ITPRID1: variants seen among roughly 807,000 people sequenced by gnomAD.
The protein encoded by ITPRID1 is ITPR interacting domain containing 1.
Under a neutral mutation model 95.4 loss-of-function variants are expected in ITPRID1, and 96 were observed. That is an observed-to-expected ratio of 1.01 (90% CI 0.85 to 1.19). The LOEUF is 1.19. ITPRID1 is among the 50% of genes most tolerant of loss of function. The pLI is 0.00. For synonymous variants in ITPRID1, 510 were observed against 453.6 expected (o/e 1.12, Z -1.58); for missense variants, 1,339 against 1,252.9 (o/e 1.07, Z -1.04).
Position 31,615,806 on chromosome 7 carries a change from T to G in ITPRID1, c.1229-26370T>G, listed in dbSNP as rs149129239. Among the ~76,000 whole-genome samples, 871 of 150,722 alleles carry G rather than the reference T, an allele frequency of 5.8e-3. 13 individuals carry two copies. The highest frequency in any genetic ancestry group is 0.02 in the African/African-American group (824 of 40,836). ...TCTCGCTCTGTTGCCCAGGCTGGAG[T>G]GCAGTGGTGCAATCTTGGCTCACTG... On this transcript the variant is annotated intron_variant, in intron 10 of 14. Transcript: ENST00000615280.
intron 4 of ITPRID1, 129 bp downstream of exon 4, chr7:31,554,652 T>C (rs1784391221): frequency 8.7e-7 from 1 of 1,154,576 alleles, no homozygotes; most frequent in African/African-American, 1.6e-5. Flanking sequence ...ACGTGAAGTA[T>C]TATTCTATTA....
At chr7:31,547,763 C>A (rs1015617101) in intron 1 of ITPRID1, among the ~76,000 whole-genome samples, 1 of 152,014 alleles carries the variant, frequency 6.6e-6, no homozygotes, top group African/African-American at 2.4e-5. Flanking sequence ...AGATGAAGCA[C>A]ACTAGAATAA....
chr7:31,595,851 A>C (rs1451432453), intron 10 of ITPRID1, among the ~76,000 whole-genome samples: 5 of 152,072 alleles, frequency 3.3e-5, no homozygotes, highest in Non-Finnish European at 5.9e-5. Context: ...GTTTTCAAAA[A>C]ACTGAAAATG....
intron 5 of ITPRID1, among the ~76,000 whole-genome samples, chr7:31,566,259 C>T (rs1784796293): frequency 6.6e-6 from 1 of 152,228 alleles, no homozygotes; most frequent in Non-Finnish European, 1.5e-5. Flanking sequence ...TCATCAATAT[C>T]TGAAAACGGA....
intron 9 of ITPRID1, among the ~76,000 whole-genome samples, chr7:31,580,660 CCAAAATAAAG>C (rs61503758): frequency 0.14 from 21,111 of 151,910 alleles, 1,665 homozygotes; most frequent in African/African-American, 0.2. Flanking sequence ...CACTCAGACA[CCAAAATAAAG>C]CAAACAAAAT....
At chr7:31,571,100 C>A (rs6954552) in intron 6 of ITPRID1, among the ~76,000 whole-genome samples, 119 of 152,228 alleles carry the variant, frequency 7.8e-4, no homozygotes, top group African/African-American at 2.8e-3. Flanking sequence ...GCCATCTCAG[C>A]TCACTGCAAT....
At chr7:31,611,457 TGTC>T (rs1023412750) in intron 10 of ITPRID1, among the ~76,000 whole-genome samples, 5 of 151,912 alleles carry the variant, frequency 3.3e-5, no homozygotes, top group African/African-American at 1.2e-4. Context: ...TCTGAGTTGT[TGTC>T]TAGTGTTTTT....
chr7:31,643,633 A>G lies in ITPRID1; in HGVS notation c.2263A>G (p.Arg755Gly). Residue 755 changes from arginine (R) to glycine (G), a missense_variant, in exon 12 of 15, where the codon AGA becomes GGA. Coordinates refer to ENST00000615280, the MANE Select transcript of ITPRID1 (RefSeq NM_001257967.3). ...ATETRLGTKA[R>G]QLNDASIQTS... Reference sequence around the variant, plus strand: ...AGAAACAAGACTGGGGACAAAAGCAAGACAGTTAAATGATGCTTCCATTCA... The same window carrying G: ...AGAAACAAGACTGGGGACAAAAGCAGGACAGTTAAATGATGCTTCCATTCA... 1 of 1,614,056 alleles carries G rather than the reference A, an allele frequency of 6.2e-7. No homozygotes were observed. The highest frequency in any genetic ancestry group is 8.5e-7 in the Non-Finnish European group (1 of 1,179,898).
intron 5 of ITPRID1, among the ~76,000 whole-genome samples, chr7:31,559,545 G>A (rs1393045559): frequency 3.9e-5 from 6 of 152,054 alleles, no homozygotes; most frequent in Non-Finnish European, 8.8e-5. Context: ...CACACCCGTA[G>A]TCCCAGCTAC....
chr7:31,624,337 C>A (rs1343501444), intron 10 of ITPRID1, among the ~76,000 whole-genome samples: 6 of 145,614 alleles, frequency 4.1e-5, no homozygotes, highest in South Asian at 2.3e-4. Context: ...CAAAAGAACA[C>A]AGCTGGAGGC....
At chr7:31,605,086 C>T (rs1367403514) in intron 10 of ITPRID1, among the ~76,000 whole-genome samples, 1 of 151,488 alleles carries the variant, frequency 6.6e-6, no homozygotes, top group African/African-American at 2.4e-5. Flanking sequence ...TGCAGTAAAC[C>T]GAAATCGTGC....
rs538608521 is a variant in ITPRID1 at position 31,577,510 on chromosome 7, T to C, written c.599-353T>C. ...GAATATTCAGGTAGCCTCATGTTGA[T>C]AGCACTGGATTCACTGCTTAATATA... On this transcript the variant is annotated intron_variant, in intron 8 of 14. Coordinates refer to ENST00000615280, the MANE Select transcript of ITPRID1 (RefSeq NM_001257967.3). Among the ~76,000 whole-genome samples the C allele has an allele frequency of 3.9e-5, 6 of 152,334 alleles. No homozygotes were observed. In the South Asian group the frequency reaches 8.3e-4, roughly 21 times the overall value.
chr7:31,554,808 A>C, intron 4 of ITPRID1, 50 bp from the exon 5 acceptor site: 3 of 1,432,038 alleles, frequency 2.1e-6, no homozygotes, highest in Non-Finnish European at 2.9e-6. Context: ...AATTTAGTAT[A>C]ATTTATTTAC....
At chr7:31,617,006 AT>A (rs1787308964) in intron 10 of ITPRID1, among the ~76,000 whole-genome samples, 1 of 152,128 alleles carries the variant, frequency 6.6e-6, no homozygotes, top group Non-Finnish European at 1.5e-5. Flanking sequence ...TTCCAAGTGC[AT>A]TCTTCTTTTC....
chr7:31,565,071 C>T (rs189126552), intron 5 of ITPRID1, among the ~76,000 whole-genome samples: 2 of 152,202 alleles, frequency 1.3e-5, no homozygotes, highest in Admixed American at 1.3e-4. Context: ...AACCACCCAA[C>T]ATACAATGAA....
chr7:31,611,385 TATC>T (rs1246714161), intron 10 of ITPRID1, among the ~76,000 whole-genome samples: 1 of 151,912 alleles, frequency 6.6e-6, no homozygotes, highest in Non-Finnish European at 1.5e-5. Context: ...AATACATTTT[TATC>T]ATCTTCATAT....
chr7:31,642,624 A>C, intron 11 of ITPRID1, 58 bp from the exon 12 acceptor site: 1 of 1,486,324 alleles, frequency 6.7e-7, no homozygotes, highest in Middle Eastern at 1.8e-4. Context: ...TCTCACCTTA[A>C]ACCTATTGCC....
At chr7:31,594,875 A>T (rs546666383) in intron 10 of ITPRID1, among the ~76,000 whole-genome samples, 27 of 152,110 alleles carry the variant, frequency 1.8e-4, no homozygotes, top group African/African-American at 5.5e-4. Context: ...AGAAAAAAAA[A>T]GGGGGAGCTT....
intron 7 of ITPRID1, among the ~76,000 whole-genome samples, chr7:31,573,506 T>C (rs1227633948): frequency 6.6e-6 from 1 of 152,130 alleles, no homozygotes; most frequent in Admixed American, 6.6e-5. Context: ...GCTAAGTAAA[T>C]GAATTGTAGT....
Sources: gnomAD v4.1 joint callset for allele counts (sites outside exome capture counted in the v4.1 genomes callset) on GRCh38, gnomAD v4.1.1 for gene constraint, MANE v1.5 for transcripts, NCBI Gene and HGNC (gene_info 2026-07-23, HGNC 2026-07-21) for gene names.